The following CDYL2 variants were observed in gnomAD, a reference collection of about 807,000 sequenced individuals.
The protein encoded by CDYL2 is chromodomain Y-like protein 2.
CDYL2 carries 23 observed loss-of-function variants against 49.4 expected under a neutral mutation model. The ratio of observed to expected loss-of-function variants is 0.47; its 90% CI spans 0.34 to 0.66. CDYL2 has a LOEUF of 0.66. Among genes scored for constraint, CDYL2 ranks in the 30% least tolerant of loss-of-function variants. CDYL2 has a pLI of 0.01. For missense variants in CDYL2, 678 were observed against 656.4 expected, an observed-to-expected ratio of 1.03 and a Z score of -0.36; for synonymous variants, 360 against 268.8, an observed-to-expected ratio of 1.34 and a Z score of -3.32.
intron 6 of CDYL2, 58 bp from the exon 7 acceptor site, chr16:80,604,604 A>G (rs1052608848): frequency 8.2e-6 from 13 of 1,591,270 alleles, no homozygotes; most frequent in Non-Finnish European, 1.1e-5. Flanking sequence ...CTCCAGAACT[A>G]GGTACCTGGC....
chr16:80,633,597 A>G (rs538609337), intron 2 of CDYL2, among the ~76,000 whole-genome samples: 15 of 152,318 alleles, frequency 9.8e-5, no homozygotes, highest in African/African-American at 3.1e-4. Flanking sequence ...GAAATTATCA[A>G]TAAGAGCAAG....
At chr16:80,641,889 A>ATT (rs2142405451) in intron 2 of CDYL2, among the ~76,000 whole-genome samples, 1 of 151,532 alleles carries the variant, frequency 6.6e-6, no homozygotes, top group South Asian at 2.1e-4. Context: ...CTAAAACTTA[A>ATT]AGTATAATAA....
intron 2 of CDYL2, among the ~76,000 whole-genome samples, chr16:80,646,997 A>G (rs1908379020): frequency 1.3e-5 from 2 of 152,198 alleles, no homozygotes; most frequent in Non-Finnish European, 1.5e-5. Context: ...CACAAAAACT[A>G]TAAGATAAAG....
intron 1 of CDYL2, among the ~76,000 whole-genome samples, chr16:80,696,192 G>A (rs917623977): frequency 6.6e-6 from 1 of 152,072 alleles, no homozygotes; most frequent in African/African-American, 2.4e-5. Flanking sequence ...AAAATTTCTT[G>A]AAACAAATGA....
Position 80,804,255 on chromosome 16 carries a change from G to C in CDYL2, c.-82C>G. Reference sequence around the variant, plus strand: ...TGCGTGTGCGCGCGGGGTCCGGTGTGCGCGTGTGTGTGCGCGCGTGTGTGT... The same window carrying C: ...TGCGTGTGCGCGCGGGGTCCGGTGTCCGCGTGTGTGTGCGCGCGTGTGTGT... On this transcript the variant is annotated 5_prime_UTR_variant, in exon 1 of 7. Transcript: ENST00000570137. 1 of 1,253,968 alleles carries C rather than the reference G, an allele frequency of 8.0e-7. No individual in the cohort carries two copies. Among genetic ancestry groups the C allele is most frequent in the Non-Finnish European group, 1.0e-6 (1 of 954,980 alleles). 77.7% of individuals were successfully genotyped at this position (1,253,968 alleles called of 1,614,324 possible).
At position 80,712,191 on chromosome 16, in the gene CDYL2, G is replaced by GTATATATATATATATATATA. The variant is rs60399715; in HGVS notation, c.25-27082_25-27063dup. Among the ~76,000 whole-genome samples the GTATATATATATATATATATA allele has an allele frequency of 6.0e-4, 65 of 107,890 alleles. No homozygotes were observed. In the East Asian group the frequency reaches 6.7e-3, roughly 11 times the overall value. The allele number at this position is 107,890 out of a possible 152,430, so 70.8% of individuals were successfully genotyped here. A position where few individuals can be genotyped will look rare whatever the true frequency, so the allele number is the denominator to read the frequency against. The stretch of plus-strand genomic sequence containing the variant: ...TATATGTGTCTTTGTGTCTGTGTGT[G>GTATATATATATATATATATA]TATATATATATATATATATATATAT... On this transcript the variant is annotated intron_variant, in intron 1 of 6. Coordinates refer to ENST00000570137, the MANE Select transcript of CDYL2 (RefSeq NM_152342.4).
At chr16:80,716,110 GTA>G (rs1904789938) in intron 1 of CDYL2, among the ~76,000 whole-genome samples, 1 of 152,192 alleles carries the variant, frequency 6.6e-6, no homozygotes, top group Admixed American at 6.5e-5. Context: ...AAAAATAATT[GTA>G]ACAAGGCCTG....
chr16:80,750,196 G>T (rs1000567752), intron 1 of CDYL2, among the ~76,000 whole-genome samples: 3 of 151,708 alleles, frequency 2.0e-5, no homozygotes, highest in African/African-American at 7.3e-5. Flanking sequence ...TAACAAACCT[G>T]CACATGTACC....
chr16:80,699,480 G>C lies in CDYL2; in HGVS notation c.25-14351C>G, dbSNP rs1375022263. ...TAAAAAAGTTGATCTCATAGAAGTAGAGAGTAGAACAGTAGTTACTAGAGG... is the reference window on the plus strand; with the variant it reads ...TAAAAAAGTTGATCTCATAGAAGTACAGAGTAGAACAGTAGTTACTAGAGG... On this transcript the variant is annotated intron_variant, in intron 1 of 6. Transcript: ENST00000570137. 3.3e-5 allele frequency among the ~76,000 whole-genome samples: 5 copies of C among 152,264 alleles called. No homozygotes were observed. The East Asian group carries it at 7.7e-4, about 24-fold the overall frequency.
At chr16:80,712,215 A>ATATATATCTATCTC (rs763194077) in intron 1 of CDYL2, among the ~76,000 whole-genome samples, 1 of 128,358 alleles carries the variant, frequency 7.8e-6, no homozygotes, top group Non-Finnish European at 1.8e-5. Context: ...ATATATATAT[A>ATATATATCTATCTC]TCTCCAAACC....
chr16:80,792,978 G>GAATC (rs1381458426), intron 1 of CDYL2, among the ~76,000 whole-genome samples: 1 of 152,184 alleles, frequency 6.6e-6, no homozygotes, highest in Admixed American at 6.5e-5. Context: ...GCTGCCCATA[G>GAATC]AATCAGCTGA....
intron 1 of CDYL2, among the ~76,000 whole-genome samples, chr16:80,741,545 A>G (rs527592204): frequency 1.3e-3 from 200 of 152,328 alleles, no homozygotes; most frequent in African/African-American, 4.6e-3. Context: ...AATGAATTCT[A>G]TGATCTAAGA....
At chr16:80,637,602 C>A (rs377538439) in intron 2 of CDYL2, among the ~76,000 whole-genome samples, 1 of 152,122 alleles carries the variant, frequency 6.6e-6, no homozygotes, top group Non-Finnish European at 1.5e-5. Context: ...GGTTAACAGA[C>A]AAAAGTCAGT....
At chr16:80,667,856 T>C (rs1909332316) in intron 2 of CDYL2, among the ~76,000 whole-genome samples, 5 of 152,228 alleles carry the variant, frequency 3.3e-5, no homozygotes, top group Non-Finnish European at 1.5e-5. Context: ...ATCTGCATCT[T>C]ATAAATTAAG....
chr16:80,725,934 A>G (rs1174900977), intron 1 of CDYL2, among the ~76,000 whole-genome samples: 1 of 152,180 alleles, frequency 6.6e-6, no homozygotes, highest in Non-Finnish European at 1.5e-5. Flanking sequence ...TCATCTTCTG[A>G]AGTGGGATGA....
At chr16:80,658,227 T>C (rs568156496) in intron 2 of CDYL2, among the ~76,000 whole-genome samples, 23 of 152,224 alleles carry the variant, frequency 1.5e-4, no homozygotes, top group African/African-American at 4.1e-4. Context: ...TTTGAGGATA[T>C]CTTTTTGTTT....
intron 1 of CDYL2, among the ~76,000 whole-genome samples, chr16:80,759,102 CTA>C (rs59240300): frequency 0.19 from 12,270 of 63,092 alleles, 1,118 homozygotes; most frequent in Non-Finnish European, 0.23. Flanking sequence ...AAACCATATA[CTA>C]TATATATATA....
intron 2 of CDYL2, among the ~76,000 whole-genome samples, chr16:80,652,407 T>C (rs1224716234): frequency 6.6e-6 from 1 of 152,122 alleles, no homozygotes; most frequent in East Asian, 1.9e-4. Flanking sequence ...AATCTGAAAA[T>C]ATAAAATTAC....
chr16:80,737,678 G>T (rs887088390), intron 1 of CDYL2, among the ~76,000 whole-genome samples: 16 of 152,292 alleles, frequency 1.1e-4, no homozygotes, highest in African/African-American at 3.6e-4. Flanking sequence ...TCAGGTGAAG[G>T]CTTTGTTAAG....
Sources: allele counts gnomAD v4.1 joint callset (sites outside exome capture counted in the v4.1 genomes callset), GRCh38; gene constraint gnomAD v4.1.1; transcripts MANE v1.5; gene names NCBI Gene and HGNC (gene_info 2026-07-23, HGNC 2026-07-21).